The following PDE4C variants were observed in gnomAD, a reference collection of about 807,000 sequenced individuals.
PDE4C encodes the protein 3',5'-cyclic-AMP phosphodiesterase 4C.
PDE4C carries 50 observed loss-of-function variants against 63.9 expected under a neutral mutation model. The observed-to-expected ratio is 0.78, with a 90% CI of 0.62 to 0.99. The LOEUF (loss-of-function observed/expected upper bound fraction) is 0.99, where lower values mean the gene tolerates loss of function less well. Ranked by LOEUF, PDE4C falls within the 50% of genes least tolerant of loss-of-function variation. PDE4C has a pLI of 0.00. For synonymous variants in PDE4C, 377 were observed against 385.1 expected (o/e 0.98, Z 0.25); for missense variants, 777 against 899.1 (o/e 0.86, Z 1.74).
chr19:18,250,219 G>T (rs1328064794), upstream of PDE4C: 1 of 398,890 alleles, frequency 2.5e-6, no homozygotes, highest in East Asian at 3.6e-5. Context: ...ACACCAAAAG[G>T]CTCTGCAGCC....
chr19:18,226,041 G>A (rs530402441), intron 1 of PDE4C, among the ~76,000 whole-genome samples: 1 of 152,354 alleles, frequency 6.6e-6, no homozygotes, highest in African/African-American at 2.4e-5. Flanking sequence ...CAGGCGGCGG[G>A]TGGAGACAGA....
At chr19:18,252,273 G>T, upstream of PDE4C, 1 of 399,188 alleles carries the variant, frequency 2.5e-6, no homozygotes, top group Admixed American at 4.4e-5. Flanking sequence ...TGAATCTGTG[G>T]AGCTGGGGCT....
intron 1 of PDE4C, among the ~76,000 whole-genome samples, chr19:18,224,677 A>G (rs1301133524): frequency 6.6e-6 from 1 of 152,212 alleles, no homozygotes; most frequent in South Asian, 2.1e-4. Context: ...GTCCGGCTAC[A>G]TGAGGGCTAG....
intron 12 of PDE4C, 104 bp downstream of exon 12, chr19:18,216,637 G>A: frequency 1.7e-6 from 2 of 1,183,028 alleles, no homozygotes; most frequent in Non-Finnish European, 2.4e-6. Context: ...GGGTCTGGAT[G>A]AACCGCCGGC....
At chr19:18,251,676 A>ACCCCCCCCCCCCCCCCCCCCCCCCCCCC (rs1969230557), upstream of PDE4C, among the ~76,000 whole-genome samples, 1 of 23,566 alleles carries the variant, frequency 4.2e-5, no homozygotes, top group African/African-American at 1.1e-4. Flanking sequence ...CTCGTGATAC[A>ACCCCCCCCCCCCCCCCCCCCCCCCCCCC]CGCCCCCCCC....
At chr19:18,209,473 ACTC>A (rs897673277), downstream of PDE4C, 4 of 150,040 alleles carry the variant, frequency 2.7e-5, no homozygotes, top group African/African-American at 9.8e-5. Flanking sequence ...CTGGTCTTGA[ACTC>A]CTGACCTCGT....
intron 1 of PDE4C, among the ~76,000 whole-genome samples, chr19:18,222,685 CTCG>C: frequency 3.9e-5 from 3 of 76,552 alleles, no homozygotes; most frequent in Admixed American, 1.4e-4. Context: ...CTCTCTCTCT[CTCG>C]CCCTTTCTTT....
At chr19:18,216,960 C>T (rs1362189396) in intron 11 of PDE4C, 65 bp from the exon 12 acceptor site, 1 of 1,519,710 alleles carries the variant, frequency 6.6e-7, no homozygotes, top group Non-Finnish European at 8.8e-7. Flanking sequence ...CCAAAAGCAG[C>T]TTTTGGAAAT....
chr19:18,240,180 T>A (rs566156301), intron 1 of PDE4C, among the ~76,000 whole-genome samples: 68 of 152,100 alleles, frequency 4.5e-4, no homozygotes, highest in African/African-American at 1.6e-3. Flanking sequence ...CCAGGCATGG[T>A]GGCTCATGTC....
At position 18,246,524 on chromosome 19, in the gene PDE4C, GATAA is replaced by G. The variant is rs368288482; in HGVS notation, c.-210+1643_-210+1646del. On this transcript the variant is annotated intron_variant, in intron 1 of 15. Transcript: ENST00000594617. ...TCTTCCTGCAGATGGCTGGAGTGTG[GATAA>G]ATAAACATTAAGGCATATGCAGCTA... Among the ~76,000 whole-genome samples the G allele has an allele frequency of 4.5e-4, 69 of 152,146 alleles. 1 individual carries two copies. The highest frequency in any genetic ancestry group is 1.6e-3 in the African/African-American group (65 of 41,496).
intron 1 of PDE4C, among the ~76,000 whole-genome samples, chr19:18,232,784 C>T (rs1415614901): frequency 6.6e-6 from 1 of 152,166 alleles, no homozygotes; most frequent in Admixed American, 6.5e-5. Context: ...CACCAGCACC[C>T]TCAGCTCCAC....
the PDE4C span, among the ~76,000 whole-genome samples, chr19:18,254,746 C>G: frequency 6.6e-6 from 1 of 152,054 alleles, no homozygotes; most frequent in Non-Finnish European, 1.5e-5. Context: ...GCTCAAGGCT[C>G]CTCCCCTCCA....
rs1333207837 is a variant in PDE4C at position 18,220,629 on chromosome 19, A to C, written c.500-114T>G. The C allele has an allele frequency of 1.0e-6, 1 of 966,508 alleles. No homozygotes were observed. The highest frequency in any genetic ancestry group is 2.3e-5 in the Admixed American group (1 of 43,498). 59.9% of individuals were successfully genotyped at this position (966,508 alleles called of 1,614,324 possible). On this transcript the variant is annotated intron_variant, in intron 5 of 14. Coordinates refer to ENST00000262805, the Ensembl canonical transcript of PDE4C. This position sits in a 1 kb window ranked among gnomAD's most constrained non-coding sequence, Gnocchi z 5.1. The stretch of plus-strand genomic sequence containing the variant: ...GAAACTGTTCCCACGGGGGCCACCC[A>C]GGACTCCTGGACCCAAGTTCCAGAT...
chr19:18,223,815 C>T (rs890277023), intron 1 of PDE4C, among the ~76,000 whole-genome samples: 1 of 152,238 alleles, frequency 6.6e-6, no homozygotes. Context: ...GGCTCTTCTA[C>T]CTGGAGGAGG....
chr19:18,245,994 C>T (rs1280759911), intron 1 of PDE4C, among the ~76,000 whole-genome samples: 2 of 151,472 alleles, frequency 1.3e-5, no homozygotes, highest in African/African-American at 4.9e-5. Flanking sequence ...CAGGCACCTG[C>T]CACCATGCCC....
At chr19:18,217,760 G>C (rs898441307) in intron 11 of PDE4C, among the ~76,000 whole-genome samples, 3 of 152,120 alleles carry the variant, frequency 2.0e-5, no homozygotes, top group Non-Finnish European at 4.4e-5. Flanking sequence ...AGCCAGGCAT[G>C]GTAGTGTGTG....
intron 4 of PDE4C, 34 bp downstream of exon 4, chr19:18,221,071 G>T (rs959511276): frequency 2.6e-6 from 2 of 776,476 alleles, no homozygotes; most frequent in East Asian, 2.9e-5. Context: ...GTCTCTGCCG[G>T]CCCCGCCCCC....
At chr19:18,217,158 G>T (rs1231140479) in intron 11 of PDE4C, 4 of 262,116 alleles carry the variant, frequency 1.5e-5, no homozygotes, top group Non-Finnish European at 2.9e-5. Context: ...ACTCAGTAAT[G>T]TTTTTTTTTT....
chr19:18,233,236 C>T (rs1405827611), exon 1 of PDE4C: 1 of 1,545,166 alleles, frequency 6.5e-7, no homozygotes, highest in Non-Finnish European at 8.7e-7. Context: ...AGGACTCGTC[C>T]CCGTGAGCGG....
Sources: allele counts gnomAD v4.1 joint callset (sites outside exome capture counted in the v4.1 genomes callset), GRCh38; gene constraint gnomAD v4.1.1; non-coding constraint Gnocchi (gnomAD v3.1); transcripts MANE v1.5; gene names NCBI Gene and HGNC (gene_info 2026-07-23, HGNC 2026-07-21).